Variants in SPTBN5 observed in about 807,000 individuals in gnomAD.
SPTBN5 encodes spectrin beta, non-erythrocytic 5, also known as spectrin beta chain, non-erythrocytic 5.
In SPTBN5, 513 loss-of-function variants were observed where a neutral mutation model predicts 477.6. The observed-to-expected ratio is 1.07, with a 90% CI of 1.00 to 1.16. The LOEUF (loss-of-function observed/expected upper bound fraction) is 1.16. Ranked by LOEUF, SPTBN5 falls within the 50% of genes most tolerant of loss-of-function variation. The probability of loss-of-function intolerance (pLI) is 0.00; values close to 1 mark genes in which losing one functional copy is unlikely to be tolerated. For missense variants in SPTBN5, 5,062 were observed against 4,731.8 expected, an observed-to-expected ratio of 1.07 and a Z score of -2.05; for synonymous variants, 2,169 against 2,011.7, an observed-to-expected ratio of 1.08 and a Z score of -2.09.
chr15:41,874,953 A>G lies in SPTBN5; in HGVS notation c.4391T>C (p.Leu1464Pro), dbSNP rs776611303. 12 of 1,613,610 alleles carry G rather than the reference A, an allele frequency of 7.4e-6. No homozygotes were observed. The Admixed American group carries it at 2.0e-4, about 27-fold the overall frequency. The change falls in exon 23 of 68, where the codon CTG (leucine) becomes CCG (proline). Residue 1464 changes from leucine to proline, a missense_variant. By Grantham distance (98) the Leu-to-Pro change is moderately conservative. Transcript: ENST00000320955. Reference sequence around the variant, plus strand: ...AGCCAGGGTCCGGCTCTCACTCTCCAGCTGTTGGTGCCGTTTCTGCAGCCT... The same window carrying G: ...AGCCAGGGTCCGGCTCTCACTCTCCGGCTGTTGGTGCCGTTTCTGCAGCCT... ...SQRLQKRHQQLESESRTLAAK... is the reference protein window; with the variant it reads ...SQRLQKRHQQPESESRTLAAK...
intron 6 of SPTBN5, 90 bp from the exon 7 acceptor site, chr15:41,886,456 C>T (rs2067154775): frequency 7.2e-7 from 1 of 1,391,594 alleles, no homozygotes; most frequent in African/African-American, 1.4e-5. Flanking sequence ...CCCAGGTGGG[C>T]TGTAGCTACT....
chr15:41,873,871 G>T lies in SPTBN5; in HGVS notation c.4864C>A (p.Leu1622Met). 6.2e-7 allele frequency: 1 copy of T among 1,611,184 alleles called. No homozygotes were observed. The change falls in exon 25 of 68, where the codon CTG (leucine) becomes ATG (methionine). Residue 1622 changes from leucine (L) to methionine (M), a missense_variant. Physicochemically the swap from Leu to Met is conservative, Grantham distance 15. Coordinates refer to ENST00000320955, the MANE Select transcript of SPTBN5 (RefSeq NM_016642.4). Reference sequence around the variant, plus strand: ...TGCTGGAAAGTGACAGCCTGCTGCAGACACTGGGCCCGCGCTTCACATGCC... The same window carrying T: ...TGCTGGAAAGTGACAGCCTGCTGCATACACTGGGCCCGCGCTTCACATGCC... ...ERACEARAQCLQQAVTFQQYF... is the reference protein window; with the variant it reads ...ERACEARAQCMQQAVTFQQYF...
In SPTBN5 at chr15:41,862,539, C is replaced by G. The variant is rs746841947; in HGVS notation, c.7385G>C (p.Arg2462Pro). The G allele has an allele frequency of 6.4e-7, 1 of 1,574,094 alleles. No individual in the cohort carries two copies. The highest frequency in any genetic ancestry group is 8.6e-7 in the Non-Finnish European group (1 of 1,159,252). ...GAGGGCAAGGCCTGCGGGTTCATAC[C>G]GCTTCTGGGCCCTGCTCCGGAGCTG... Reference protein sequence around the residue: ...WWQLRSRAQKRREALDALHQA... With the variant: ...WWQLRSRAQKPREALDALHQA... Residue 2462 changes from arginine to proline, a missense_variant and splice_region_variant, in exon 43 of 68, where the codon CGG becomes CCG. Arg to Pro is a moderately radical substitution (Grantham distance 103). Coordinates refer to ENST00000320955, the MANE Select transcript of SPTBN5 (RefSeq NM_016642.4).
chr15:41,878,236 C>T (rs1306309817), intron 17 of SPTBN5, 106 bp downstream of exon 17: 3 of 1,374,062 alleles, frequency 2.2e-6, no homozygotes, highest in Non-Finnish European at 2.0e-6. Flanking sequence ...GGGCCCCTCC[C>T]TGGGGAAATC....
chr15:41,881,292 G>T, intron 12 of SPTBN5, 58 bp from the exon 13 acceptor site: 1 of 1,453,296 alleles, frequency 6.9e-7, no homozygotes, highest in Non-Finnish European at 9.3e-7. Flanking sequence ...AGGGGCTTTG[G>T]CCAGGCCACC....
chr15:41,852,898 G>A lies in SPTBN5; in HGVS notation c.10273C>T (p.Leu3425Phe). The change falls in exon 60 of 68, where the codon CTT (leucine) becomes TTT (phenylalanine). Residue 3425 changes from leucine (L) to phenylalanine (F), a missense_variant. Coordinates refer to ENST00000320955, the MANE Select transcript of SPTBN5 (RefSeq NM_016642.4). ...TCAGCCTGCTCCAGCCTCTGCCGAAGCTTCTGCAGGCCCCAGCTCTCGGCA... is the reference window on the plus strand; with the variant it reads ...TCAGCCTGCTCCAGCCTCTGCCGAAACTTCTGCAGGCCCCAGCTCTCGGCA... The part of the protein sequence containing the change: ...RCAESWGLQK[L>F]RQRLEQAEAW... 1 of 1,607,430 alleles carries A rather than the reference G, an allele frequency of 6.2e-7. No individual in the cohort carries two copies.
chr15:41,868,138 C>T lies in SPTBN5; in HGVS notation c.6138G>A (p.Gln2046=). Residue 2046 remains glutamine (Q), a synonymous_variant, in exon 34 of 68, where the codon CAG becomes CAA. Transcript: ENST00000320955. The stretch of plus-strand genomic sequence containing the variant: ...GGAAGAGCTGCTCCTGCTGCTCGGC[C>T]TGCAGCCTCTCTTGCTTCCGTGCCC... The part of the protein sequence containing the change: ...QTWARKQERL[Q]AEQQEQLFLR... 6.3e-7 allele frequency: 1 copy of T among 1,595,832 alleles called. No individual in the cohort carries two copies. Among genetic ancestry groups the T allele is most frequent in the South Asian group, 1.1e-5 (1 of 87,842 alleles).
Position 41,870,282 on chromosome 15 carries a change from G to T in SPTBN5, c.5634C>A (p.His1878Gln), listed in dbSNP as rs1280514350. 14 of 1,554,140 alleles carry T rather than the reference G, an allele frequency of 9.0e-6. No individual in the cohort carries two copies. The highest frequency in any genetic ancestry group is 4.4e-6 in the Non-Finnish European group (5 of 1,149,158). The change falls in exon 31 of 68, where the codon CAC (histidine) becomes CAA (glutamine). Residue 1878 changes from histidine to glutamine, a missense_variant. Transcript: ENST00000320955. ...CCACGAGTTCTCGCTCCAGCCCCTG[G>T]TGGCTTCTCAGCTGCGCCTCCAGCC... Reference protein sequence around the residue: ...LCGLEAQLRSHQGLERELVGT... With the variant: ...LCGLEAQLRSQQGLERELVGT...
Position 41,849,884 on chromosome 15 carries a change from G to A in SPTBN5, c.10997C>T (p.Pro3666Leu), listed in dbSNP as rs2065693550. ...LNECTTKDAR[P>L]GCLLRSDP ...GGTGTCCCACCTGAGTAGACATCCAGGCCGGGCATCCTTGGTCGTGCACTC... is the reference window on the plus strand; with the variant it reads ...GGTGTCCCACCTGAGTAGACATCCAAGCCGGGCATCCTTGGTCGTGCACTC... The change falls in exon 67 of 68, where the codon CCT becomes CTT. Residue 3666 changes from proline (P) to leucine (L), a missense_variant. Transcript: ENST00000320955. 3.2e-6 allele frequency: 5 copies of A among 1,582,120 alleles called. No individual in the cohort carries two copies. The highest frequency in any genetic ancestry group is 4.3e-6 in the Non-Finnish European group (5 of 1,163,976).
rs1408331763 is a variant in SPTBN5 at position 41,885,782 on chromosome 15, G to A, written c.1473C>T (p.Asp491=). 1.9e-6 allele frequency: 3 copies of A among 1,558,060 alleles called. No homozygotes were observed. Among genetic ancestry groups the A allele is most frequent in the African/African-American group, 2.7e-5 (2 of 73,582 alleles). The change falls in exon 7 of 68, where the codon GAC becomes GAT. Residue 491 remains aspartate (D), a synonymous_variant. Coordinates refer to ENST00000320955, the MANE Select transcript of SPTBN5 (RefSeq NM_016642.4). ...TGTGGTACTGCTCCTGCCGGAGGAT[G>A]TCTGCGATCTCAGCCAGGGCCTGGA... The part of the protein sequence containing the change: ...GRFQALAEIA[D]ILRQEQYHSW...
rs2067182198 is a variant in SPTBN5 at position 41,887,228 on chromosome 15, C to G, written c.873G>C (p.Gln291His). ...TCTCCCCCACCTTAGTGAGTCTCCT[C>G]TGGACAGTCTGCCCCTGATGCAGGC... ...CSRLHQGQTVQRRLTKILLQL... is the reference protein window; with the variant it reads ...CSRLHQGQTVHRRLTKILLQL... Residue 291 changes from glutamine to histidine, a missense_variant, in exon 6 of 68, where the codon CAG (glutamine) becomes CAC (histidine). By Grantham distance (24) the Gln-to-His change is conservative (BLOSUM62 0). Transcript: ENST00000320955. The G allele has an allele frequency of 4.5e-6, 7 of 1,551,384 alleles. No homozygotes were observed. In the Admixed American group the frequency reaches 9.8e-5, roughly 22 times the overall value.
rs1347588996 is a variant in SPTBN5 at position 41,861,819 on chromosome 15, C to T, written c.7653G>A (p.Leu2551=). The T allele has an allele frequency of 3.1e-6, 5 of 1,596,854 alleles. No homozygotes were observed. The highest frequency in any genetic ancestry group is 1.7e-5 in the Admixed American group (1 of 58,478). The stretch of plus-strand genomic sequence containing the variant: ...TGCTCAGCTCCTGTTCTAAGCCAGC[C>T]AGCACCTGGCGAATGTCGGAGCTGA... The part of the protein sequence containing the change: ...HPFSSDIRQV[L]AGLEQELSSL... The change falls in exon 45 of 68, where the codon CTG becomes CTA. Residue 2551 remains leucine (L), a synonymous_variant. Coordinates refer to ENST00000320955, the MANE Select transcript of SPTBN5 (RefSeq NM_016642.4).
rs1371854763 is a variant in SPTBN5 at position 41,876,214 on chromosome 15, G to A, written c.4022C>T (p.Pro1341Leu). The change falls in exon 21 of 68, where the codon CCC (proline) becomes CTC (leucine). Residue 1341 changes from proline to leucine, a missense_variant. Pro to Leu is a moderately conservative substitution (Grantham distance 98). Coordinates refer to ENST00000320955, the MANE Select transcript of SPTBN5 (RefSeq NM_016642.4). ...EEKGLMAAHE[P>L]SGARRNILQT... ...CAGGATGTTTCTGCGCGCTCCGGAG[G>A]GCTCATGCGCAGCCATCAGCCCCTT... 6.2e-7 allele frequency: 1 copy of A among 1,604,516 alleles called. No individual in the cohort carries two copies. The highest frequency in any genetic ancestry group is 1.7e-5 in the Admixed American group (1 of 59,980).
intron 16 of SPTBN5, among the ~76,000 whole-genome samples, chr15:41,878,895 G>A (rs184968848): frequency 1.7e-4 from 26 of 152,230 alleles, no homozygotes; most frequent in Non-Finnish European, 2.6e-4. Flanking sequence ...GTGAAACCCC[G>A]TCTCTACTAA....
chr15:41,876,005 G>A, intron 21 of SPTBN5, 109 bp downstream of exon 21: 6 of 1,377,392 alleles, frequency 4.4e-6, no homozygotes, highest in Non-Finnish European at 5.9e-6. Context: ...CTAGGTTCAC[G>A]CTGAGGCTGA....
rs532281877 is a variant in SPTBN5, at chr15:41,879,122, C to T, written c.3182+138G>A. The T allele has an allele frequency of 8.1e-4, 823 of 1,016,358 alleles. 1 individual carries two copies. Among genetic ancestry groups the T allele is most frequent in the Middle Eastern group, 2.9e-3 (9 of 3,092 alleles). 63.0% of individuals were successfully genotyped at this position (1,016,358 alleles called of 1,614,324 possible). ...GTCCCCAGGACCATTTTCTCCTGAT[C>T]ATCCCCCCATCTTTGCCACAGCCCT... On this transcript the variant is annotated intron_variant, in intron 16 of 67. Coordinates refer to ENST00000320955, the MANE Select transcript of SPTBN5 (RefSeq NM_016642.4).
chr15:41,867,511 C>G (rs1024684596), intron 35 of SPTBN5, 27 bp downstream of exon 35: 1 of 1,606,406 alleles, frequency 6.2e-7, no homozygotes, highest in Non-Finnish European at 8.5e-7. Context: ...ACACTCTGAC[C>G]ACGCCCAGGC....
Position 41,885,893 on chromosome 15 carries a change from GGCTCTGGCCTGGTCTAGCACCTGCTCT to G in SPTBN5, c.1335_1361del (p.Glu446_Ala454del). 6.3e-7 allele frequency: 1 copy of G among 1,584,156 alleles called. No individual in the cohort carries two copies. Among genetic ancestry groups the G allele is most frequent in the Non-Finnish European group, 8.6e-7 (1 of 1,165,556 alleles). On this transcript the variant is annotated inframe_deletion, in exon 7 of 68. Transcript: ENST00000320955. ...CCACTGTGGCCAGGCTGGCTGGCGG[GGCTCTGGCCTGGTCTAGCACCTGCTCT>G]GCATCCTTAAGGAAACTCTCCCGGA...
chr15:41,854,698 C>T lies in SPTBN5; in HGVS notation c.9618+84G>A, dbSNP rs575841619. The T allele has an allele frequency of 2.4e-6, 3 of 1,252,486 alleles. No homozygotes were observed. The East Asian group carries it at 7.7e-5, about 32-fold the overall frequency. The allele number at this position is 1,252,486 out of a possible 1,614,324, so 77.6% of individuals were successfully genotyped here. ...CAGCAGGGTGTGTGTCTTGTTGGAACCAAAGCCTGTGGTAAGGAGGGCTTA... is the reference window on the plus strand; with the variant it reads ...CAGCAGGGTGTGTGTCTTGTTGGAATCAAAGCCTGTGGTAAGGAGGGCTTA... On this transcript the variant is annotated intron_variant, in intron 56 of 67. Transcript: ENST00000320955.
Sources: gnomAD v4.1 joint callset for allele counts (sites outside exome capture counted in the v4.1 genomes callset) on GRCh38, gnomAD v4.1.1 for gene constraint, MANE v1.5 for transcripts, NCBI Gene and HGNC (gene_info 2026-07-23, HGNC 2026-07-21) for gene names.